The following GATA4 variants were observed in gnomAD, a reference collection of about 807,000 sequenced individuals.
GATA4 encodes the protein GATA binding protein 4.
A neutral mutation model predicts 37.9 loss-of-function variants in GATA4; 7 were observed. The observed-to-expected ratio is 0.18, with a 90% CI of 0.11 to 0.35. The LOEUF is 0.35. GATA4 is among the 10% of genes least tolerant of loss of function. The pLI is 1.00. For missense variants in GATA4, 647 were observed against 653.0 expected (o/e 0.99, Z 0.10); for synonymous variants, 372 against 292.6 (o/e 1.27, Z -2.77).
chr8:11,751,100 G>T (rs1802282078), intron 4 of GATA4, among the ~76,000 whole-genome samples: 1 of 152,166 alleles, frequency 6.6e-6, no homozygotes, highest in Admixed American at 6.5e-5. Flanking sequence ...TATAAGAATA[G>T]TTAGATATAT....
intron 1 of GATA4, chr8:11,705,933 A>G (rs1263161136): frequency 1.3e-5 from 2 of 152,374 alleles, no homozygotes; most frequent in African/African-American, 4.8e-5. Context: ...AAAAAAAATT[A>G]CATTATCTTG....
rs568967551 is a variant in GATA4, at chr8:11,694,455, C to T, written c.-729+1795C>T. 54 of 984,756 alleles carry T rather than the reference C, an allele frequency of 5.5e-5. No individual in the cohort carries two copies. In the East Asian group the frequency reaches 1.8e-3, roughly 33 times the overall value. The allele number at this position is 984,756 out of a possible 1,614,324, so 61.0% of individuals were successfully genotyped here. On this transcript the variant is annotated intron_variant, in intron 1 of 2. Transcript: ENST00000526974. ...TTTCTTTTCTTCCCCCAGAACATTGCGCTGCCACCAGCTCTCCGAGCCGTG... is the reference window on the plus strand; with the variant it reads ...TTTCTTTTCTTCCCCCAGAACATTGTGCTGCCACCAGCTCTCCGAGCCGTG...
intron 1 of GATA4, chr8:11,697,826 G>A: frequency 7.1e-6 from 7 of 985,484 alleles, no homozygotes; most frequent in Non-Finnish European, 8.4e-6. Flanking sequence ...CCGGTGGGGC[G>A]TTCCGGCCAC....
At chr8:11,743,283 G>A (rs547707142) in intron 2 of GATA4, among the ~76,000 whole-genome samples, 7 of 152,256 alleles carry the variant, frequency 4.6e-5, no homozygotes, top group South Asian at 2.1e-4. Context: ...TGTTCGTTAC[G>A]TCTAGCACTT....
At chr8:11,678,796 C>A (rs1305951461) in intron 1 of GATA4, among the ~76,000 whole-genome samples, 1 of 152,138 alleles carries the variant, frequency 6.6e-6, no homozygotes, top group Non-Finnish European at 1.5e-5. Context: ...TTTTTAGTGA[C>A]ATAATCATTG....
chr8:11,756,159 G>A (rs765367381), intron 5 of GATA4, among the ~76,000 whole-genome samples: 2 of 152,124 alleles, frequency 1.3e-5, no homozygotes, highest in Non-Finnish European at 2.9e-5. Flanking sequence ...AAAATGAATT[G>A]GCTGATCTGA....
intron 2 of GATA4, among the ~76,000 whole-genome samples, chr8:11,719,049 G>C (rs1014077323): frequency 1.3e-5 from 2 of 152,204 alleles, no homozygotes; most frequent in Non-Finnish European, 1.5e-5. Flanking sequence ...AGATAAAAAA[G>C]AGTTCATCAA....
At chr8:11,713,381 C>G (rs1411939656) in intron 2 of GATA4, among the ~76,000 whole-genome samples, 2 of 152,094 alleles carry the variant, frequency 1.3e-5, no homozygotes, top group Non-Finnish European at 2.9e-5. Flanking sequence ...ATGTTGGGCA[C>G]TTAGCAAATA....
rs1359426620 is a variant in GATA4 at position 11,759,533 on chromosome 8, G to C, written c.*1058G>C. 6.6e-6 allele frequency: 1 copy of C among 152,274 alleles called. No individual in the cohort carries two copies. The highest frequency in any genetic ancestry group is 1.9e-4 in the East Asian group (1 of 5,202). 9.4% of individuals were successfully genotyped at this position (152,274 alleles called of 1,614,324 possible). A position where few individuals can be genotyped will look rare whatever the true frequency, so the allele number is the denominator to read the frequency against. On this transcript the variant is annotated 3_prime_UTR_variant, in exon 7 of 7. Coordinates refer to ENST00000532059, the MANE Select transcript of GATA4 (RefSeq NM_001308093.3). ...AGCCTCGCCCCGGCAGAAGTCTTTTGTCCAGGAGGCAAAAAGCCAGAGATT... is the reference window on the plus strand; with the variant it reads ...AGCCTCGCCCCGGCAGAAGTCTTTTCTCCAGGAGGCAAAAAGCCAGAGATT...
chr8:11,679,156 C>T (rs1050303506), intron 1 of GATA4, among the ~76,000 whole-genome samples: 1 of 136,594 alleles, frequency 7.3e-6, no homozygotes, highest in Non-Finnish European at 1.6e-5. Context: ...AGTGGAGATT[C>T]GAGGCAATTA....
chr8:11,713,004 T>C (rs1442045859), intron 2 of GATA4, among the ~76,000 whole-genome samples: 2 of 152,222 alleles, frequency 1.3e-5, no homozygotes, highest in Non-Finnish European at 2.9e-5. Flanking sequence ...CTAATTAACC[T>C]TAACTCAGAA....
chr8:11,706,088 G>A (rs1585589775), intron 1 of GATA4: 1 of 152,100 alleles, frequency 6.6e-6, no homozygotes, highest in Non-Finnish European at 1.5e-5. Flanking sequence ...GTGACCTCAG[G>A]TCAATTTTTA....
At chr8:11,698,054 C>G in intron 1 of GATA4, 1 of 974,796 alleles carries the variant, frequency 1.0e-6, no homozygotes, top group Non-Finnish European at 1.2e-6. Context: ...CGGTCGGGTT[C>G]TCTCTCCTCC....
At chr8:11,693,542 CACACACACACACACACACACAG>C (rs1585565316) in intron 1 of GATA4, among the ~76,000 whole-genome samples, 1 of 111,872 alleles carries the variant, frequency 8.9e-6, no homozygotes, top group South Asian at 4.1e-4. Flanking sequence ...CACACACACA[CACACACACACACACACACACAG>C]AGAGAGAGAG....
At chr8:11,713,242 A>G (rs896786330) in intron 2 of GATA4, among the ~76,000 whole-genome samples, 2 of 152,192 alleles carry the variant, frequency 1.3e-5, no homozygotes, top group African/African-American at 4.8e-5. Context: ...ACTTTAATTC[A>G]CTCCAAGTTC....
intron 4 of GATA4, among the ~76,000 whole-genome samples, chr8:11,754,750 G>T (rs1802468154): frequency 2.6e-5 from 4 of 152,258 alleles, no homozygotes; most frequent in Non-Finnish European, 2.9e-5. Flanking sequence ...ACCAGAGTCT[G>T]GTTATTTCTC....
upstream of GATA4, among the ~76,000 whole-genome samples, chr8:11,701,661 C>T (rs1390882725): frequency 6.6e-6 from 1 of 152,156 alleles, no homozygotes; most frequent in Non-Finnish European, 1.5e-5. Context: ...TGCCAACCAC[C>T]CCTGGTTTGT....
chr8:11,691,001 G>C (rs557082254), upstream of GATA4, among the ~76,000 whole-genome samples: 2 of 152,336 alleles, frequency 1.3e-5, no homozygotes, highest in Admixed American at 6.5e-5. Context: ...CACCTTATAA[G>C]CGGGGCAAGT....
chr8:11,699,328 A>T (rs765984207), upstream of GATA4, among the ~76,000 whole-genome samples: 17 of 152,350 alleles, frequency 1.1e-4, no homozygotes, highest in South Asian at 6.2e-4. Context: ...TGACTTCAAA[A>T]GTCTCTAACT....
Sources: gnomAD v4.1 joint callset for allele counts (sites outside exome capture counted in the v4.1 genomes callset) on GRCh38, gnomAD v4.1.1 for gene constraint, MANE v1.5 for transcripts, NCBI Gene and HGNC (gene_info 2026-07-23, HGNC 2026-07-21) for gene names.